FHAD1: variants seen among roughly 807,000 people sequenced by gnomAD.
FHAD1 encodes the protein forkhead associated phosphopeptide binding domain 1.
Under a neutral mutation model 191.3 loss-of-function variants are expected in FHAD1, and 146 were observed. That is an observed-to-expected ratio of 0.76 (90% CI 0.67 to 0.88). The LOEUF (loss-of-function observed/expected upper bound fraction) is 0.88. FHAD1 is among the 40% of genes least tolerant of loss of function. The pLI is 0.00. For missense variants in FHAD1, 1,635 were observed against 1,785.8 expected, an observed-to-expected ratio of 0.92 and a Z score of 1.52; for synonymous variants, 616 against 672.3, an observed-to-expected ratio of 0.92 and a Z score of 1.29.
chr1:15,346,315 T>C (rs1688910571), intron 18 of FHAD1, among the ~76,000 whole-genome samples: 2 of 152,252 alleles, frequency 1.3e-5, no homozygotes, highest in South Asian at 4.1e-4. Context: ...AAAATCTATT[T>C]AAAAGTTCAG....
At chr1:15,374,853 T>G (rs1699118567) in intron 27 of FHAD1, among the ~76,000 whole-genome samples, 1 of 116,368 alleles carries the variant, frequency 8.6e-6, no homozygotes, top group Non-Finnish European at 1.8e-5. Context: ...TGTACGTTTT[T>G]TTTTTTGTTT....
intron 33 of FHAD1, among the ~76,000 whole-genome samples, chr1:15,395,561 G>A (rs756570054): frequency 2.0e-5 from 3 of 152,116 alleles, no homozygotes; most frequent in Non-Finnish European, 2.9e-5. Flanking sequence ...AGTGGGCATC[G>A]GAAAAGCCCA....
At chr1:15,273,671 T>G (rs12060411) in intron 3 of FHAD1, among the ~76,000 whole-genome samples, 88,089 of 151,992 alleles carry the variant, frequency 0.58, 25,844 homozygotes, top group East Asian at 0.8. Context: ...AAGAAACCTG[T>G]GAGATACTTG....
intron 25 of FHAD1, among the ~76,000 whole-genome samples, chr1:15,368,256 G>A (rs1272091949): frequency 6.6e-6 from 1 of 152,126 alleles, no homozygotes; most frequent in East Asian, 1.9e-4. Flanking sequence ...TTACAGGCAT[G>A]AGCCACCGCG....
intron 4 of FHAD1, among the ~76,000 whole-genome samples, chr1:15,290,262 C>T (rs1182514694): frequency 3.3e-5 from 5 of 152,166 alleles, no homozygotes; most frequent in Admixed American, 2.6e-4. Context: ...TCCCCACTAC[C>T]CCCTTGAAAG....
intron 3 of FHAD1, among the ~76,000 whole-genome samples, chr1:15,280,474 T>A (rs1660207948): frequency 6.6e-6 from 1 of 152,054 alleles, no homozygotes; most frequent in East Asian, 1.9e-4. Flanking sequence ...ACTCCTGAAG[T>A]TTGCTTCCTC....
At chr1:15,260,673 C>T (rs940812792) in intron 2 of FHAD1, among the ~76,000 whole-genome samples, 1 of 152,234 alleles carries the variant, frequency 6.6e-6, no homozygotes, top group African/African-American at 2.4e-5. Flanking sequence ...GCTCAGGGCC[C>T]CTTTATCTTC....
chr1:15,296,142 T>C (rs970576162), intron 4 of FHAD1, among the ~76,000 whole-genome samples: 3 of 152,182 alleles, frequency 2.0e-5, no homozygotes, highest in Non-Finnish European at 2.9e-5. Flanking sequence ...ACACATCACG[T>C]TGGGTAACAG....
At chr1:15,361,008 C>T (rs952863091) in intron 22 of FHAD1, among the ~76,000 whole-genome samples, 17 of 152,160 alleles carry the variant, frequency 1.1e-4, no homozygotes, top group African/African-American at 4.1e-4. Context: ...TCATCTTTTC[C>T]ACATGAAAAC....
At chr1:15,383,780 C>T (rs1265477091) in intron 31 of FHAD1, 1 of 371,948 alleles carries the variant, frequency 2.7e-6, no homozygotes, top group South Asian at 2.0e-5. Flanking sequence ...AATAGCCCTG[C>T]CTGGTACGAT....
chr1:15,372,654 C>T lies in FHAD1; in HGVS notation c.3448-1848C>T, dbSNP rs760380945. The stretch of plus-strand genomic sequence containing the variant: ...TAAAATAATTTTGGTTCACTTCATA[C>T]TACATATATATTATCTTCCATATCT... On this transcript the variant is annotated intron_variant, in intron 26 of 33. Transcript: ENST00000688493. Among the ~76,000 whole-genome samples, 4 of 152,284 alleles carry T rather than the reference C, an allele frequency of 2.6e-5. No individual in the cohort carries two copies. The South Asian group carries it at 6.2e-4, about 24-fold the overall frequency.
At chr1:15,372,538 T>G (rs1371577558) in intron 26 of FHAD1, among the ~76,000 whole-genome samples, 3 of 152,218 alleles carry the variant, frequency 2.0e-5, no homozygotes, top group Non-Finnish European at 2.9e-5. Flanking sequence ...AGGGCTGGTC[T>G]GCCTGCTCCC....
Position 15,348,486 on chromosome 1 carries a change from T to C in FHAD1, c.2347-556T>C, listed in dbSNP as rs535192558. On this transcript the variant is annotated intron_variant, in intron 18 of 33. Transcript: ENST00000688493. ...AAACTCCTTGATTAGGGCCACTAAA[T>C]ACTGGCCACACTTTCTTCCCTACAT... is the stretch of plus-strand genomic sequence containing the variant. Among the ~76,000 whole-genome samples, 6 of 152,334 alleles carry C rather than the reference T, an allele frequency of 3.9e-5. No individual in the cohort carries two copies. In the South Asian group the frequency reaches 1.2e-3, roughly 32 times the overall value.
At chr1:15,304,910 G>A (rs1440954386) in intron 6 of FHAD1, among the ~76,000 whole-genome samples, 1 of 151,878 alleles carries the variant, frequency 6.6e-6, no homozygotes, top group African/African-American at 2.4e-5. Flanking sequence ...GACTGTGAGC[G>A]CCACCTGGTG....
rs1024721230 is a variant in FHAD1 at position 15,329,034 on chromosome 1, C to T, written c.1711-312C>T. The T allele has an allele frequency of 3.9e-5, 8 of 204,826 alleles. No individual in the cohort carries two copies. The highest frequency in any genetic ancestry group is 1.4e-4 in the African/African-American group (6 of 43,402). The allele number at this position is 204,826 out of a possible 1,614,324, so 12.7% of individuals were successfully genotyped here. ...GTGTTGATCTTGGCAGGAATTCTGA[C>T]GAATGGAAAAAAGAAGTAGCCACAT... On this transcript the variant is annotated intron_variant, in intron 13 of 33. Transcript: ENST00000688493. The surrounding 1 kb of genome is among the most constrained non-coding windows in gnomAD (Gnocchi z 5.0).
In FHAD1 at chr1:15,381,288, C is replaced by T; in HGVS notation, c.3859C>T (p.His1287Tyr). 2 of 1,551,662 alleles carry T rather than the reference C, an allele frequency of 1.3e-6. No homozygotes were observed. The highest frequency in any genetic ancestry group is 1.7e-6 in the Non-Finnish European group (2 of 1,146,992). Residue 1287 changes from histidine (H) to tyrosine (Y), a missense_variant, in exon 30 of 34, where the codon CAC becomes TAC. Coordinates refer to ENST00000688493, the MANE Select transcript of FHAD1 (RefSeq NM_001391957.1). The surrounding 1 kb of genome is among the most constrained non-coding windows in gnomAD (Gnocchi z 4.6). ...CATGAACATCAAGAATATGTCAGGC[C>T]ACGTGTCCATGAAATACCTCTCCCG... ...SLMNIKNMSG[H>Y]VSMKYLSRQE...
chr1:15,350,040 C>T (rs780374612), intron 19 of FHAD1, among the ~76,000 whole-genome samples: 2 of 152,250 alleles, frequency 1.3e-5, no homozygotes, highest in Non-Finnish European at 2.9e-5. Flanking sequence ...CAGACACACA[C>T]GTGCCAGCCC....
At chr1:15,342,460 A>G (rs1687129847) in intron 16 of FHAD1, among the ~76,000 whole-genome samples, 1 of 152,166 alleles carries the variant, frequency 6.6e-6, no homozygotes, top group Admixed American at 6.6e-5. Flanking sequence ...TACTGACGCT[A>G]CCAGTCTGCA....
chr1:15,295,481 A>G (rs957152368), intron 4 of FHAD1, among the ~76,000 whole-genome samples: 2 of 152,090 alleles, frequency 1.3e-5, no homozygotes, highest in Non-Finnish European at 2.9e-5. Context: ...GGTAGCATGC[A>G]CCTGTAGTCA....
Sources: gnomAD v4.1 joint callset for allele counts (sites outside exome capture counted in the v4.1 genomes callset) on GRCh38, gnomAD v4.1.1 for gene constraint, Gnocchi (gnomAD v3.1) non-coding constraint, MANE v1.5 for transcripts, NCBI Gene and HGNC (gene_info 2026-07-23, HGNC 2026-07-21) for gene names.